Variants in LNX2 observed in about 807,000 individuals in gnomAD.
LNX2 encodes the protein ligand of Numb protein X 2.
Under a neutral mutation model 66.2 loss-of-function variants are expected in LNX2, and 35 were observed. The observed-to-expected ratio is 0.53, with a 90% CI of 0.40 to 0.70. The LOEUF (loss-of-function observed/expected upper bound fraction) is 0.70, where lower values mean the gene tolerates loss of function less well. Ranked by LOEUF, LNX2 falls within the 30% of genes least tolerant of loss-of-function variation. The pLI is 0.00. For missense variants in LNX2, 791 were observed against 850.8 expected, an observed-to-expected ratio of 0.93 and a Z score of 0.87; for synonymous variants, 337 against 315.6, an observed-to-expected ratio of 1.07 and a Z score of -0.72.
chr13:27,582,761 G>C (rs993116762), intron 1 of LNX2, among the ~76,000 whole-genome samples: 1 of 152,102 alleles, frequency 6.6e-6, no homozygotes, highest in Non-Finnish European at 1.5e-5. Flanking sequence ...GGCTAGGGGA[G>C]GGATAGCATT....
In LNX2 at chr13:27,556,385, T is replaced by G. The variant is rs1161669441; in HGVS notation, c.1397A>C (p.Glu466Ala). 3 of 1,613,978 alleles carry G rather than the reference T, an allele frequency of 1.9e-6. No individual in the cohort carries two copies. Among genetic ancestry groups the G allele is most frequent in the Non-Finnish European group, 2.5e-6 (3 of 1,179,930 alleles). ...KDLTQCVTCQ[E>A]KHITVKKEPH... Reference sequence around the variant, plus strand: ...TTCCTTCTTTACAGTAATGTGTTTTTCTTGGCATGTAACACACTGAGTAAG... The same window carrying G: ...TTCCTTCTTTACAGTAATGTGTTTTGCTTGGCATGTAACACACTGAGTAAG... The change falls in exon 7 of 10, where the codon GAA (glutamate) becomes GCA (alanine). Residue 466 changes from glutamate (E) to alanine (A), a missense_variant. Glu to Ala is a moderately radical substitution (Grantham distance 107). Coordinates refer to ENST00000316334, the MANE Select transcript of LNX2 (RefSeq NM_153371.4).
intron 1 of LNX2, among the ~76,000 whole-genome samples, chr13:27,588,687 T>C (rs1409709218): frequency 2.0e-5 from 3 of 152,204 alleles, no homozygotes; most frequent in African/African-American, 4.8e-5. Flanking sequence ...CAACTGTATA[T>C]GAATCTACAA....
Position 27,553,279 on chromosome 13 carries a change from C to A in LNX2, c.1707G>T (p.Pro569=), listed in dbSNP as rs144845351. The part of the protein sequence containing the change: ...EEATQNAEEQ[P]STFSENEYDA... ...CATACTCATTTTCGCTGAAAGTACT[C>A]GGCTGCTCCTCCGCGTTCTGAGTCG... The change falls in exon 8 of 10, where the codon CCG becomes CCT. Residue 569 remains proline, a synonymous_variant. Coordinates refer to ENST00000316334, the MANE Select transcript of LNX2 (RefSeq NM_153371.4). 5.6e-6 allele frequency: 9 copies of A among 1,614,054 alleles called. No homozygotes were observed. The highest frequency in any genetic ancestry group is 7.6e-6 in the Non-Finnish European group (9 of 1,180,036).
chr13:27,610,139 A>G (rs1566134178), intron 1 of LNX2, among the ~76,000 whole-genome samples: 1 of 152,206 alleles, frequency 6.6e-6, no homozygotes, highest in Non-Finnish European at 1.5e-5. Context: ...CACTGCTACT[A>G]CTGATCAAAT....
intron 6 of LNX2, among the ~76,000 whole-genome samples, chr13:27,558,071 T>TC (rs957259606): frequency 7.3e-5 from 11 of 151,394 alleles, no homozygotes; most frequent in Non-Finnish European, 1.6e-4. Flanking sequence ...TCAAGGAACT[T>TC]CCTAAAACAA....
Position 27,551,920 on chromosome 13 carries a change from C to G in LNX2, c.1778+1288G>C, listed in dbSNP as rs116722682. Among the ~76,000 whole-genome samples the G allele has an allele frequency of 3.3e-5, 5 of 152,108 alleles. No individual in the cohort carries two copies. The East Asian group carries it at 9.7e-4, about 29-fold the overall frequency. On this transcript the variant is annotated intron_variant, in intron 8 of 9. Coordinates refer to ENST00000316334, the MANE Select transcript of LNX2 (RefSeq NM_153371.4). ...GCAGAGCAGAGCTGCTACACTATGC[C>G]GTGTGAAACCTGCATATAGGGGCCA... is the stretch of plus-strand genomic sequence containing the variant.
chr13:27,594,286 TATTGA>T (rs533346298), intron 1 of LNX2, among the ~76,000 whole-genome samples: 85 of 152,308 alleles, frequency 5.6e-4, no homozygotes, highest in African/African-American at 2.0e-3. Flanking sequence ...AGTTTTTTCT[TATTGA>T]ATTGTACTGT....
chr13:27,610,448 T>C (rs889077873), intron 1 of LNX2, among the ~76,000 whole-genome samples: 2 of 152,212 alleles, frequency 1.3e-5, no homozygotes, highest in African/African-American at 4.8e-5. Flanking sequence ...CTCAGCAATA[T>C]GCTCAAAATA....
intron 1 of LNX2, among the ~76,000 whole-genome samples, chr13:27,593,248 AATCTCTTTCTCCCC>A (rs1955563222): frequency 6.6e-6 from 1 of 152,086 alleles, no homozygotes; most frequent in African/African-American, 2.4e-5. Context: ...ATCTTCTTCC[AATCTCTTTCTCCCC>A]ATCACGTACA....
intron 1 of LNX2, among the ~76,000 whole-genome samples, chr13:27,594,196 C>A (rs1013309023): frequency 1.3e-5 from 2 of 151,054 alleles, no homozygotes; most frequent in African/African-American, 4.9e-5. Context: ...TAATTTGCAT[C>A]TTTTTTAGTC....
At chr13:27,589,443 T>C (rs1267993390) in intron 1 of LNX2, among the ~76,000 whole-genome samples, 1 of 152,234 alleles carries the variant, frequency 6.6e-6, no homozygotes, top group South Asian at 2.1e-4. Context: ...ATAAAACACT[T>C]ATTGGTATAT....
chr13:27,599,255 A>G (rs1317003166), intron 1 of LNX2, among the ~76,000 whole-genome samples: 1 of 152,192 alleles, frequency 6.6e-6, no homozygotes, highest in African/African-American at 2.4e-5. Context: ...CTTTGTATAT[A>G]AAAGGGTCTA....
intron 1 of LNX2, among the ~76,000 whole-genome samples, chr13:27,613,589 G>A (rs371636248): frequency 1.9e-4 from 29 of 152,100 alleles, no homozygotes; most frequent in African/African-American, 7.0e-4. Context: ...CCAACATGAT[G>A]AAACACCATC....
intron 1 of LNX2, among the ~76,000 whole-genome samples, chr13:27,601,336 AT>A (rs1204706075): frequency 6.6e-6 from 1 of 152,224 alleles, no homozygotes; most frequent in East Asian, 1.9e-4. Context: ...CTTCCCCATC[AT>A]TAAAGAAAAA....
intron 2 of LNX2, among the ~76,000 whole-genome samples, chr13:27,574,634 G>A (rs1038293544): frequency 2.0e-5 from 3 of 151,980 alleles, no homozygotes; most frequent in Admixed American, 2.0e-4. Context: ...GAAAGGAGTA[G>A]AAAGAATATT....
chr13:27,560,650 G>A (rs1010509857), intron 5 of LNX2, among the ~76,000 whole-genome samples: 1 of 149,532 alleles, frequency 6.7e-6, no homozygotes, highest in East Asian at 1.9e-4. Context: ...CATGACTGTC[G>A]TTTTAAATTT....
intron 5 of LNX2, among the ~76,000 whole-genome samples, chr13:27,560,565 G>GTATATATATATATATC (rs1955120675): frequency 8.3e-6 from 1 of 119,970 alleles, no homozygotes; most frequent in Admixed American, 8.0e-5. Context: ...ATGTATGTGT[G>GTATATATATATATATC]TATATATATA....
At chr13:27,553,065 TTTGTA>T in intron 8 of LNX2, 138 bp downstream of exon 8, 4 of 666,794 alleles carry the variant, frequency 6.0e-6, no homozygotes, top group Non-Finnish European at 1.0e-5. Context: ...ATCCTTTTCT[TTTGTA>T]ATTTGATTTG....
At chr13:27,551,193 AG>A (rs935825670) in intron 8 of LNX2, among the ~76,000 whole-genome samples, 5 of 152,188 alleles carry the variant, frequency 3.3e-5, no homozygotes, top group African/African-American at 1.2e-4. Flanking sequence ...AGGCTGAGAC[AG>A]GAGGATGGCT....
Sources: gnomAD v4.1 joint callset for allele counts (sites outside exome capture counted in the v4.1 genomes callset) on GRCh38, gnomAD v4.1.1 for gene constraint, MANE v1.5 for transcripts, NCBI Gene and HGNC (gene_info 2026-07-23, HGNC 2026-07-21) for gene names.